KRT23: variants seen among roughly 807,000 people sequenced by gnomAD.
KRT23 encodes keratin, type I cytoskeletal 23.
A neutral mutation model predicts 47.6 loss-of-function variants in KRT23; 38 were observed. That is an observed-to-expected ratio of 0.80 (90% CI 0.62 to 1.05). The LOEUF (loss-of-function observed/expected upper bound fraction) is 1.05. Among genes scored for constraint, KRT23 ranks in the 50% least tolerant of loss-of-function variants. KRT23 has a pLI of 0.00. For synonymous variants in KRT23, 191 were observed against 199.0 expected (o/e 0.96, Z 0.34); for missense variants, 503 against 529.5 (o/e 0.95, Z 0.49).
At chr17:40,926,129 T>TAA (rs562247342) in intron 6 of KRT23, among the ~76,000 whole-genome samples, 3 of 146,476 alleles carry the variant, frequency 2.0e-5, no homozygotes, top group African/African-American at 7.5e-5. Flanking sequence ...ATGACGATGG[T>TAA]AAAAAAAAAA....
chr17:40,929,047 A>G lies in KRT23; in HGVS notation c.637-440T>C, dbSNP rs187206933. 1.3e-3 allele frequency among the ~76,000 whole-genome samples: 188 copies of G among 146,394 alleles called. 1 individual carries two copies. Among genetic ancestry groups the G allele is most frequent in the Admixed American group, 1.8e-3 (25 of 13,994 alleles). On this transcript the variant is annotated intron_variant, in intron 4 of 8. Coordinates refer to ENST00000209718, the MANE Select transcript of KRT23 (RefSeq NM_015515.5). ...GTCTCCAAAAAAAAAAAAAAAAAAAAAAAGAATATCATAAGGCAGGTAATC... is the reference window on the plus strand; with the variant it reads ...GTCTCCAAAAAAAAAAAAAAAAAAAGAAAGAATATCATAAGGCAGGTAATC...
chr17:40,932,356 C>A (rs1473671862), intron 2 of KRT23, among the ~76,000 whole-genome samples: 1 of 152,226 alleles, frequency 6.6e-6, no homozygotes, highest in South Asian at 2.1e-4. Context: ...TTTGTAAACA[C>A]TTGTAGGTAT....
At position 40,925,434 on chromosome 17, in the gene KRT23, G is replaced by T. The variant is rs777999096; in HGVS notation, c.1062C>A (p.Tyr354Ter). Residue 354 changes from tyrosine (Y) to a stop codon, truncating the protein, a stop_gained, in exon 7 of 9, where the codon TAC (tyrosine) becomes TAA (stop). Coordinates refer to ENST00000209718, the MANE Select transcript of KRT23 (RefSeq NM_015515.5). LOFTEE classifies it high-confidence loss of function. ...RHELERQNNE[Y>*]QVLLGIKTHL... ...GGGTTTTGATGCCCAGCAGCACTTG[G>T]TATTCATTGTTCTGCCGCTCCAGTT... The T allele has an allele frequency of 3.3e-5, 54 of 1,613,986 alleles. No homozygotes were observed. Among genetic ancestry groups the T allele is most frequent in the Non-Finnish European group, 4.5e-5 (53 of 1,180,054 alleles).
intron 4 of KRT23, among the ~76,000 whole-genome samples, chr17:40,928,909 C>G (rs1257923488): frequency 6.6e-6 from 1 of 151,638 alleles, no homozygotes; most frequent in Non-Finnish European, 1.5e-5. Flanking sequence ...CACCTTTAAT[C>G]CCAGCTACTT....
chr17:40,930,134 G>A lies in KRT23; in HGVS notation c.480-38C>T, dbSNP rs367574473. On this transcript the variant is annotated intron_variant, in intron 3 of 8. Coordinates refer to ENST00000209718, the MANE Select transcript of KRT23 (RefSeq NM_015515.5). ...GGAAGAGAAGAGTGCACTCATTGTT[G>A]GAAGGCCATGGTTTTTGAAAGGATT... 46 of 1,574,550 alleles carry A rather than the reference G, an allele frequency of 2.9e-5. 1 individual carries two copies. The highest frequency in any genetic ancestry group is 3.9e-5 in the Non-Finnish European group (45 of 1,155,148).
intron 6 of KRT23, among the ~76,000 whole-genome samples, chr17:40,926,126 T>C (rs539879652): frequency 6.6e-6 from 1 of 151,912 alleles, no homozygotes; most frequent in South Asian, 2.1e-4. Flanking sequence ...ATTATGACGA[T>C]GGTAAAAAAA....
intron 4 of KRT23, 34 bp from the exon 5 acceptor site, chr17:40,928,641 T>A: frequency 6.3e-7 from 1 of 1,593,628 alleles, no homozygotes; most frequent in Non-Finnish European, 8.5e-7. Flanking sequence ...ATGAACCGGC[T>A]TTGACAATCA....
Position 40,936,420 on chromosome 17 carries a change from C to T in KRT23, c.184G>A (p.Gly62Arg), listed in dbSNP as rs781573146. ...CPPPGGSWGS[G>R]RSSPLLGGNG... ...CCGCCTAGTAGGGGGCTGCTTCTTCCAGAACCCCAAGACCCTCCAGGGGGT... is the reference window on the plus strand; with the variant it reads ...CCGCCTAGTAGGGGGCTGCTTCTTCTAGAACCCCAAGACCCTCCAGGGGGT... Residue 62 changes from glycine to arginine, a missense_variant, in exon 2 of 9, where the codon GGA becomes AGA. Transcript: ENST00000209718. 4 of 1,613,658 alleles carry T rather than the reference C, an allele frequency of 2.5e-6. No individual in the cohort carries two copies. Among genetic ancestry groups the T allele is most frequent in the Non-Finnish European group, 2.5e-6 (3 of 1,179,768 alleles).
intron 3 of KRT23, 129 bp from the exon 4 acceptor site, chr17:40,930,225 A>G (rs1909560261): frequency 3.9e-6 from 3 of 772,652 alleles, no homozygotes; most frequent in South Asian, 2.0e-5. Flanking sequence ...TACATATAGG[A>G]TGTCTTTTTT....
chr17:40,936,140 T>A (rs1910046211), intron 2 of KRT23, 68 bp downstream of exon 2: 1 of 1,566,106 alleles, frequency 6.4e-7, no homozygotes, highest in Non-Finnish European at 8.7e-7. Flanking sequence ...TCTGGACTCA[T>A]TTTTCCTCCC....
rs2143437527 is a variant in KRT23, at chr17:40,925,440, A to G, written c.1056T>C (p.Asn352=). Residue 352 remains asparagine (N), a synonymous_variant, in exon 7 of 9, where the codon AAT becomes AAC. Transcript: ENST00000209718. ...QLRHELERQN[N]EYQVLLGIKT... ...TGATGCCCAGCAGCACTTGGTATTC[A>G]TTGTTCTGCCGCTCCAGTTCATGGC... 6.2e-7 allele frequency: 1 copy of G among 1,614,040 alleles called. No individual in the cohort carries two copies. Among genetic ancestry groups the G allele is most frequent in the East Asian group, 2.2e-5 (1 of 44,874 alleles).
At chr17:40,933,625 C>G (rs1342451163) in intron 2 of KRT23, among the ~76,000 whole-genome samples, 2 of 152,208 alleles carry the variant, frequency 1.3e-5, no homozygotes, top group African/African-American at 4.8e-5. Context: ...CCTCAAGTGT[C>G]TGATTCCCCC....
At position 40,931,378 on chromosome 17, in the gene KRT23, G is replaced by A. The variant is rs761056710; in HGVS notation, c.474C>T (p.Asn158=). 31 of 1,609,090 alleles carry A rather than the reference G, an allele frequency of 1.9e-5. No individual in the cohort carries two copies. The highest frequency in any genetic ancestry group is 1.6e-4 in the Middle Eastern group (1 of 6,078). Residue 158 remains asparagine (N), a synonymous_variant, in exon 3 of 9, where the codon AAC becomes AAT. Transcript: ENST00000209718. ...DNARMAVDDF[N]LKYENEHSFK... is the part of the protein sequence containing the mutation. The stretch of plus-strand genomic sequence containing the variant: ...CCTGTGAAGAAGGAACTTACTTGAG[G>A]TTGAAGTCATCCACTGCCATCCTGG...
rs149053849 is a variant in KRT23, at chr17:40,935,830, C to G, written c.396+378G>C. ...GTGCACTGAGCATGCAGCATGAACA[C>G]CAGCCCTTATCATTTCTATGACATC... On this transcript the variant is annotated intron_variant, in intron 2 of 8. Coordinates refer to ENST00000209718, the MANE Select transcript of KRT23 (RefSeq NM_015515.5). 1.4e-3 allele frequency among the ~76,000 whole-genome samples: 210 copies of G among 152,312 alleles called. 1 individual carries two copies. Among genetic ancestry groups the G allele is most frequent in the African/African-American group, 4.9e-3 (202 of 41,572 alleles).
intron 3 of KRT23, among the ~76,000 whole-genome samples, chr17:40,930,392 A>T (rs1909574390): frequency 6.6e-6 from 1 of 152,218 alleles, no homozygotes; most frequent in Non-Finnish European, 1.5e-5. Context: ...TCATTGCTGA[A>T]GTATTTTAAA....
intron 6 of KRT23, among the ~76,000 whole-genome samples, chr17:40,927,998 G>T (rs1909336367): frequency 6.6e-6 from 1 of 152,148 alleles, no homozygotes; most frequent in South Asian, 2.1e-4. Context: ...ATCTGGGAAG[G>T]TTACTGTAAG....
Position 40,924,969 on chromosome 17 carries a change from T to A in KRT23, c.1142+385A>T, listed in dbSNP as rs574880391. ...GTGGCCAGAAATATCAGATTGAAAG[T>A]CTAGACATCTCTAGCTCATATGCAT... is the stretch of plus-strand genomic sequence containing the variant. On this transcript the variant is annotated intron_variant, in intron 7 of 8. Transcript: ENST00000209718. Among the ~76,000 whole-genome samples the A allele has an allele frequency of 6.0e-5, 9 of 150,566 alleles. No homozygotes were observed. In the South Asian group the frequency reaches 1.9e-3, roughly 32 times the overall value.
chr17:40,934,760 C>T (rs891943779), intron 2 of KRT23, among the ~76,000 whole-genome samples: 10 of 152,142 alleles, frequency 6.6e-5, no homozygotes, highest in Admixed American at 2.0e-4. Context: ...CACTTTTTTC[C>T]AAGCTTCCAT....
intron 4 of KRT23, 158 bp from the exon 5 acceptor site, chr17:40,928,765 G>T: frequency 1.6e-6 from 1 of 617,246 alleles, no homozygotes; most frequent in Non-Finnish European, 2.8e-6. Context: ...CTTACTTGTT[G>T]GTGATAAAAC....
Sources: gnomAD v4.1 joint callset for allele counts (sites outside exome capture counted in the v4.1 genomes callset) on GRCh38, gnomAD v4.1.1 for gene constraint, MANE v1.5 for transcripts, NCBI Gene and HGNC (gene_info 2026-07-23, HGNC 2026-07-21) for gene names.